The following SLC35F4 variants were observed in gnomAD, a reference collection of about 807,000 sequenced individuals.
SLC35F4 encodes chromosome 14 open reading frame 36.
SLC35F4 carries 24 observed loss-of-function variants against 44.2 expected under a neutral mutation model. That is an observed-to-expected ratio of 0.54 (90% CI 0.39 to 0.76). The LOEUF (loss-of-function observed/expected upper bound fraction) is 0.76. SLC35F4 is among the 30% of genes least tolerant of loss of function. The pLI, the probability that SLC35F4 is intolerant of heterozygous loss-of-function variation, is 0.00. For missense variants in SLC35F4, 562 were observed against 586.1 expected, an observed-to-expected ratio of 0.96 and a Z score of 0.42; for synonymous variants, 238 against 223.6, an observed-to-expected ratio of 1.06 and a Z score of -0.57.
At chr14:57,723,221 G>A (rs2140443249) in intron 1 of SLC35F4, among the ~76,000 whole-genome samples, 1 of 150,306 alleles carries the variant, frequency 6.7e-6, no homozygotes, top group African/African-American at 2.5e-5. Context: ...TATTTCCCCA[G>A]TGCCAGAATG....
intron 1 of SLC35F4, among the ~76,000 whole-genome samples, chr14:57,882,867 G>C (rs1018409356): frequency 1.3e-5 from 2 of 152,134 alleles, no homozygotes; most frequent in Admixed American, 6.5e-5. Context: ...CCCATGAAAG[G>C]CTGGGTGTTC....
At chr14:57,961,367 G>A (rs1890336949) in intron 1 of SLC35F4, among the ~76,000 whole-genome samples, 1 of 152,170 alleles carries the variant, frequency 6.6e-6, no homozygotes, top group Non-Finnish European at 1.5e-5. Context: ...TGAGGACAGA[G>A]CAGCGCCACA....
chr14:57,946,741 G>T (rs1890039640), intron 1 of SLC35F4, among the ~76,000 whole-genome samples: 1 of 152,060 alleles, frequency 6.6e-6, no homozygotes, highest in Non-Finnish European at 1.5e-5. Context: ...CTCTCACAGT[G>T]CTGGGATTAC....
At position 57,664,426 on chromosome 14, in the gene SLC35F4, TGAGACA is replaced by T. The variant is rs780367693; in HGVS notation, c.104-70308_104-70303del. Among the ~76,000 whole-genome samples, 20 of 152,256 alleles carry T rather than the reference TGAGACA, an allele frequency of 1.3e-4. No homozygotes were observed. The East Asian group carries it at 3.5e-3, about 27-fold the overall frequency. On this transcript the variant is annotated intron_variant, in intron 1 of 7. Transcript: ENST00000556826. Reference sequence around the variant, plus strand: ...TTATTTATTTATTTAATTTTATTTTTGAGACAGAGTCTCGCTCCGTCATCCAGGCTG... The same window carrying T: ...TTATTTATTTATTTAATTTTATTTTTGAGTCTCGCTCCGTCATCCAGGCTG...
intron 1 of SLC35F4, among the ~76,000 whole-genome samples, chr14:57,941,248 A>T (rs1293290206): frequency 1.3e-5 from 2 of 152,256 alleles, no homozygotes; most frequent in Non-Finnish European, 2.9e-5. Flanking sequence ...AAATATTCAC[A>T]GAAGTATTAT....
At chr14:57,735,481 G>A (rs1271098247) in intron 1 of SLC35F4, among the ~76,000 whole-genome samples, 1 of 152,166 alleles carries the variant, frequency 6.6e-6, no homozygotes, top group Non-Finnish European at 1.5e-5. Flanking sequence ...CCTTCCTGAT[G>A]TCTAGCAGTT....
At chr14:57,933,503 T>G (rs1366870969) in intron 1 of SLC35F4, among the ~76,000 whole-genome samples, 1 of 152,190 alleles carries the variant, frequency 6.6e-6, no homozygotes, top group African/African-American at 2.4e-5. Context: ...CTCTGCCTCT[T>G]GGATACTGCT....
intron 1 of SLC35F4, among the ~76,000 whole-genome samples, chr14:57,694,268 C>T (rs953666592): frequency 6.6e-5 from 10 of 152,240 alleles, no homozygotes; most frequent in East Asian, 1.9e-4. Context: ...AGCTTTGCTT[C>T]GTTGTTTTCA....
intron 1 of SLC35F4, among the ~76,000 whole-genome samples, chr14:57,776,099 G>C (rs770027100): frequency 1.3e-5 from 2 of 152,094 alleles, no homozygotes; most frequent in African/African-American, 2.4e-5. Flanking sequence ...GAGAATAAAA[G>C]AAAGAAAAGA....
rs1239931214 is a variant in SLC35F4, at chr14:57,927,302, C to A, written n.282+54611G>T. Among the ~76,000 whole-genome samples the A allele has an allele frequency of 2.0e-5, 3 of 152,232 alleles. No homozygotes were observed. In the East Asian group the frequency reaches 5.8e-4, roughly 29 times the overall value. ...AGGGTGTCATATACACATTTCCTTG[C>A]GTCTCAAAAGATCTAGGTCATAACT... On this transcript the variant is annotated intron_variant and non_coding_transcript_variant, in intron 1 of 1. Transcript: ENST00000556568.
intron 1 of SLC35F4, among the ~76,000 whole-genome samples, chr14:57,948,185 AT>A (rs1174984271): frequency 1.3e-5 from 2 of 151,874 alleles, no homozygotes; most frequent in African/African-American, 2.4e-5. Context: ...TCTGTTGGCA[AT>A]TTTTTTATTA....
At chr14:57,975,760 T>C (rs1881197213), downstream of SLC35F4, among the ~76,000 whole-genome samples, 1 of 152,166 alleles carries the variant, frequency 6.6e-6, no homozygotes, top group Non-Finnish European at 1.5e-5. Context: ...TAGATGTCTT[T>C]TGAAGGTTGT....
At chr14:57,813,981 G>A (rs1882276415) in intron 1 of SLC35F4, among the ~76,000 whole-genome samples, 1 of 152,196 alleles carries the variant, frequency 6.6e-6, no homozygotes, top group South Asian at 2.1e-4. Flanking sequence ...GGGAATTAGA[G>A]CCATTCTGTT....
chr14:57,567,073 T>C (rs1373305983), intron 6 of SLC35F4, among the ~76,000 whole-genome samples: 1 of 152,256 alleles, frequency 6.6e-6, no homozygotes, highest in Non-Finnish European at 1.5e-5. Flanking sequence ...GTGGGTTTAA[T>C]GTAATTCACT....
At chr14:57,915,309 C>A (rs981387516) in intron 1 of SLC35F4, among the ~76,000 whole-genome samples, 7 of 152,086 alleles carry the variant, frequency 4.6e-5, no homozygotes, top group Non-Finnish European at 1.0e-4. Flanking sequence ...GCGTTTCTCC[C>A]AACGTCCTGA....
chr14:57,982,258 T>G (rs1881403434), upstream of SLC35F4: 2 of 152,194 alleles, frequency 1.3e-5, no homozygotes, highest in South Asian at 4.1e-4. Context: ...AGAAACGCTG[T>G]GCCTGACAAA....
At chr14:57,632,024 G>A (rs1270636284) in intron 1 of SLC35F4, among the ~76,000 whole-genome samples, 2 of 152,114 alleles carry the variant, frequency 1.3e-5, no homozygotes, top group Admixed American at 6.6e-5. Context: ...TTTGTGGAAT[G>A]TGTTTAAAGG....
At chr14:57,688,723 T>C (rs2075139132) in intron 1 of SLC35F4, among the ~76,000 whole-genome samples, 1 of 152,156 alleles carries the variant, frequency 6.6e-6, no homozygotes, top group Admixed American at 6.6e-5. Flanking sequence ...CTAACTGCAG[T>C]CAAGCTTTCC....
chr14:57,729,894 G>A (rs957464106), intron 1 of SLC35F4, among the ~76,000 whole-genome samples: 6 of 152,148 alleles, frequency 3.9e-5, no homozygotes, highest in Non-Finnish European at 5.9e-5. Context: ...CTACTGAAAC[G>A]GGTGATTCTC....
Sources: gnomAD v4.1 joint callset for allele counts (sites outside exome capture counted in the v4.1 genomes callset) on GRCh38, gnomAD v4.1.1 for gene constraint, MANE v1.5 for transcripts, NCBI Gene and HGNC (gene_info 2026-07-23, HGNC 2026-07-21) for gene names.